The following GRK7 variants were observed in gnomAD, a reference collection of about 807,000 sequenced individuals.
The protein encoded by GRK7 is G protein-coupled receptor kinase 7.
In GRK7, 24 loss-of-function variants were observed where a neutral mutation model predicts 34.1. The observed-to-expected ratio is 0.70, with a 90% confidence interval of 0.51 to 0.99. GRK7 has a LOEUF of 0.99. GRK7 is among the 50% of genes least tolerant of loss of function. The pLI is 0.00. For synonymous variants in GRK7, 256 were observed against 279.4 expected (o/e 0.92, Z 0.84); for missense variants, 644 against 707.3 (o/e 0.91, Z 1.02).
upstream of GRK7, among the ~76,000 whole-genome samples, chr3:141,760,182 T>C (rs1403346423): frequency 6.6e-6 from 1 of 150,494 alleles, no homozygotes; most frequent in Non-Finnish European, 1.5e-5. Context: ...GCTCTTGCTT[T>C]TCTAGTTCTT....
chr3:141,787,624 C>CAA (rs36081874), intron 4 of GRK7, among the ~76,000 whole-genome samples: 20,799 of 93,802 alleles, frequency 0.22, 2,280 homozygotes, highest in African/African-American at 0.35. Flanking sequence ...GACTCTGCCT[C>CAA]AAAAAAAAAA....
At chr3:141,774,370 T>C (rs895873581) in intron 1 of GRK7, among the ~76,000 whole-genome samples, 4 of 151,522 alleles carry the variant, frequency 2.6e-5, no homozygotes, top group African/African-American at 9.7e-5. Context: ...TGCAGTGAAC[T>C]GAGATTGAGC....
At chr3:141,760,157 C>G (rs2084548915), upstream of GRK7, among the ~76,000 whole-genome samples, 1 of 151,754 alleles carries the variant, frequency 6.6e-6, no homozygotes, top group African/African-American at 2.4e-5. Context: ...CTTCTGCTAG[C>G]TTTTGAATGT....
the GRK7 span, among the ~76,000 whole-genome samples, chr3:141,751,933 C>G: frequency 6.6e-6 from 1 of 152,132 alleles, no homozygotes; most frequent in Non-Finnish European, 1.5e-5. Flanking sequence ...TCATGGACAC[C>G]TCAGTGATAT....
intron 1 of GRK7, among the ~76,000 whole-genome samples, chr3:141,773,891 T>A (rs2084627444): frequency 6.6e-6 from 1 of 151,768 alleles, no homozygotes; most frequent in South Asian, 2.1e-4. Context: ...TAGGACTTGC[T>A]AAAGCCAGGA....
At position 141,778,526 on chromosome 3, in the gene GRK7, G is replaced by A. The variant is rs34429284; in HGVS notation, c.242G>A (p.Arg81His). Reference protein sequence around the residue: ...RDFLATVPTFRKAATFLEDVQ... With the variant: ...RDFLATVPTFHKAATFLEDVQ... ...TTCCTAGCCACAGTGCCCACGTTCC[G>A]CAAGGCGGCAACCTTCCTAGAGGAC... The change falls in exon 3 of 6, where the codon CGC becomes CAC. Residue 81 changes from arginine (R) to histidine (H), a missense_variant. By Grantham distance (29) the Arg-to-His change is conservative. Coordinates refer to ENST00000682958, the MANE Select transcript of GRK7 (RefSeq NM_139209.3). The surrounding 1 kb of genome is among the most constrained non-coding windows in gnomAD (Gnocchi z 4.1). 2.3e-3 allele frequency: 3,732 copies of A among 1,613,356 alleles called. 13 individuals carry two copies. Among genetic ancestry groups the A allele is most frequent in the Middle Eastern group, 0.011 (69 of 6,062 alleles).
chr3:141,767,396 G>T (rs906066255), intron 1 of GRK7, among the ~76,000 whole-genome samples: 1 of 148,556 alleles, frequency 6.7e-6, no homozygotes, highest in Non-Finnish European at 1.5e-5. Context: ...TTTGTGTTTT[G>T]TTTTTTGTTT....
At chr3:141,814,712 C>A (rs1054746294) in intron 5 of GRK7, among the ~76,000 whole-genome samples, 2 of 152,010 alleles carry the variant, frequency 1.3e-5, no homozygotes, top group Non-Finnish European at 2.9e-5. Context: ...TTAGGTAGAA[C>A]AATTTATTTC....
At chr3:141,776,480 CAT>C (rs964111620) in intron 2 of GRK7, among the ~76,000 whole-genome samples, 1 of 152,062 alleles carries the variant, frequency 6.6e-6, no homozygotes, top group Non-Finnish European at 1.5e-5. Context: ...ACCGGGGTAA[CAT>C]ATAAAGAACA....
chr3:141,789,611 C>A (rs2084713481), intron 4 of GRK7, among the ~76,000 whole-genome samples: 1 of 130,578 alleles, frequency 7.7e-6, no homozygotes, highest in African/African-American at 3.2e-5. Context: ...GTGTTCCCCA[C>A]AGGAAAATCA....
intron 5 of GRK7, among the ~76,000 whole-genome samples, chr3:141,815,092 T>A (rs1266445600): frequency 6.6e-6 from 1 of 152,012 alleles, no homozygotes; most frequent in Non-Finnish European, 1.5e-5. Context: ...ACCTGTCTAA[T>A]TTTTTGTATT....
chr3:141,775,070 G>C (rs1343004317), intron 2 of GRK7, among the ~76,000 whole-genome samples: 1 of 152,284 alleles, frequency 6.6e-6, no homozygotes, highest in East Asian at 1.9e-4. Flanking sequence ...GGGATTACAG[G>C]CAGGAGCCAC....
chr3:141,819,346 A>C lies in GRK7; in HGVS notation c.*2296A>C, dbSNP rs1432608319. The stretch of plus-strand genomic sequence containing the variant: ...TAAAAAAATAAAAATGTCTTGTTGC[A>C]TTGGTTCCTTAGTGTGAATTGCCTC... On this transcript the variant is annotated 3_prime_UTR_variant, in exon 6 of 6. Transcript: ENST00000682958. Among the ~76,000 whole-genome samples the C allele has an allele frequency of 2.6e-5, 4 of 152,230 alleles. No individual in the cohort carries two copies. The highest frequency in any genetic ancestry group is 9.6e-5 in the African/African-American group (4 of 41,462).
intron 1 of GRK7, among the ~76,000 whole-genome samples, chr3:141,768,929 C>T (rs962346974): frequency 1.3e-5 from 2 of 152,168 alleles, no homozygotes; most frequent in African/African-American, 4.8e-5. Context: ...CTTACAGGCT[C>T]ATCCTCTGAA....
intron 4 of GRK7, among the ~76,000 whole-genome samples, chr3:141,804,306 T>TGGGGGG (rs1439816819): frequency 6.6e-6 from 1 of 152,122 alleles, no homozygotes; most frequent in Non-Finnish European, 1.5e-5. Flanking sequence ...AAAGGGAGAC[T>TGGGGGG]GGGAATAGAT....
the GRK7 span, among the ~76,000 whole-genome samples, chr3:141,756,523 G>A: frequency 5.6e-3 from 855 of 152,286 alleles, 8 homozygotes; most frequent in African/African-American, 0.019. Flanking sequence ...GTATTGACTG[G>A]AAAAGGGCAT....
At chr3:141,755,084 C>G in the GRK7 span, among the ~76,000 whole-genome samples, 1 of 152,202 alleles carries the variant, frequency 6.6e-6, no homozygotes, top group Non-Finnish European at 1.5e-5. Context: ...TGCCAAGGTT[C>G]TAGAGAGTAC....
intron 4 of GRK7, among the ~76,000 whole-genome samples, chr3:141,798,657 G>A (rs1365448206): frequency 6.6e-6 from 1 of 152,182 alleles, no homozygotes; most frequent in Admixed American, 6.5e-5. Flanking sequence ...GCTCCACGCT[G>A]CTTGGCGCGT....
At chr3:141,757,064 G>A in the GRK7 span, among the ~76,000 whole-genome samples, 8 of 149,880 alleles carry the variant, frequency 5.3e-5, no homozygotes, top group African/African-American at 2.0e-4. Flanking sequence ...AAATTTTAGT[G>A]TAGCCTGAAA....
Sources: allele counts gnomAD v4.1 joint callset (sites outside exome capture counted in the v4.1 genomes callset), GRCh38; gene constraint gnomAD v4.1.1; non-coding constraint Gnocchi (gnomAD v3.1); transcripts MANE v1.5; gene names NCBI Gene and HGNC (gene_info 2026-07-23, HGNC 2026-07-21).